ZFHX3: variants seen among roughly 807,000 people sequenced by gnomAD.
ZFHX3 encodes the protein zinc finger homeobox protein 3.
Under a neutral mutation model 279.1 loss-of-function variants are expected in ZFHX3, and 42 were observed. That is an observed-to-expected ratio of 0.15 (90% confidence interval 0.12 to 0.19). The LOEUF (loss-of-function observed/expected upper bound fraction) is 0.19. ZFHX3 is among the 10% of genes least tolerant of loss of function. The probability of loss-of-function intolerance (pLI) is 1.00; values close to 1 mark genes in which losing one functional copy is unlikely to be tolerated. For missense variants in ZFHX3, 4,981 were observed against 4,754.0 expected, an observed-to-expected ratio of 1.05 and a Z score of -1.40; for synonymous variants, 2,293 against 1,957.8, an observed-to-expected ratio of 1.17 and a Z score of -4.52.
intron 5 of ZFHX3, among the ~76,000 whole-genome samples, chr16:72,825,435 C>G (rs1402235900): frequency 1.3e-5 from 2 of 152,198 alleles, no homozygotes; most frequent in Non-Finnish European, 2.9e-5. Context: ...AGCTTGGGCT[C>G]TGTCCTAAGT....
chr16:73,317,306 T>C (rs555982649), intron 4 of ZFHX3, among the ~76,000 whole-genome samples: 135 of 151,992 alleles, frequency 8.9e-4, no homozygotes, highest in African/African-American at 3.1e-3. Context: ...GTGGTGGTGG[T>C]TATGGTATTG....
At position 72,796,502 on chromosome 16, in the gene ZFHX3, G is replaced by A. The variant is rs770896984; in HGVS notation, c.6180C>T (p.Ser2060=). The A allele has an allele frequency of 3.1e-6, 5 of 1,607,644 alleles. No homozygotes were observed. The highest frequency in any genetic ancestry group is 4.2e-6 in the Non-Finnish European group (5 of 1,179,396). ...PLPAAPPQPA[S]TPAIPASAPP... ...GGGCTGATGCGGGGATGGCTGGTGT[G>A]GACGCCGGCTGAGGCGGCGCTGCCG... Residue 2060 remains serine (S), a synonymous_variant, in exon 9 of 10, where the codon TCC becomes TCT. Transcript: ENST00000268489.
chr16:73,416,122 C>CAAAAAAAA (rs1234376040), intron 3 of ZFHX3, among the ~76,000 whole-genome samples: 3 of 74,802 alleles, frequency 4.0e-5, no homozygotes, highest in African/African-American at 1.1e-4. Flanking sequence ...GACTCCATCT[C>CAAAAAAAA]AAAAAAAAAA....
intron 1 of ZFHX3, among the ~76,000 whole-genome samples, chr16:73,850,387 T>C (rs1961564909): frequency 6.6e-6 from 1 of 152,190 alleles, no homozygotes; most frequent in Non-Finnish European, 1.5e-5. Context: ...AAGTTAGGCT[T>C]GCTGGATTTT....
chr16:73,121,254 A>G (rs906704292), intron 7 of ZFHX3, among the ~76,000 whole-genome samples: 1 of 152,238 alleles, frequency 6.6e-6, no homozygotes, highest in African/African-American at 2.4e-5. Flanking sequence ...TAAAATATGC[A>G]CTGGCTTTCA....
intron 5 of ZFHX3, among the ~76,000 whole-genome samples, chr16:73,175,428 G>C (rs151244251): frequency 1.4e-4 from 21 of 152,230 alleles, no homozygotes; most frequent in Non-Finnish European, 2.4e-4. Flanking sequence ...GCCCCTGCCT[G>C]CTTCTCCAAC....
At chr16:73,622,584 A>G (rs2052374283) in intron 2 of ZFHX3, among the ~76,000 whole-genome samples, 1 of 151,878 alleles carries the variant, frequency 6.6e-6, no homozygotes, top group African/African-American at 2.4e-5. Flanking sequence ...AAAGAAAGAA[A>G]GAAAGAATTT....
intron 4 of ZFHX3, among the ~76,000 whole-genome samples, chr16:73,313,701 T>C (rs12917927): frequency 0.78 from 118,373 of 152,182 alleles, 46,569 homozygotes; most frequent in African/African-American, 0.87. Context: ...GGCACAAACA[T>C]GTACACAGCC....
chr16:73,789,975 C>T (rs941728642), intron 1 of ZFHX3, among the ~76,000 whole-genome samples: 5 of 152,104 alleles, frequency 3.3e-5, no homozygotes, highest in South Asian at 2.1e-4. Context: ...ATTGCACTCT[C>T]GCCGCTGGAG....
At chr16:72,921,750 G>A (rs541060007) in intron 3 of ZFHX3, among the ~76,000 whole-genome samples, 7 of 152,350 alleles carry the variant, frequency 4.6e-5, no homozygotes, top group Middle Eastern at 3.4e-3. Flanking sequence ...GGCGCCCAGC[G>A]TGCTGCATGC....
intron 4 of ZFHX3, among the ~76,000 whole-genome samples, chr16:72,833,767 C>T (rs1367260562): frequency 6.6e-6 from 1 of 152,110 alleles, no homozygotes; most frequent in Admixed American, 6.5e-5. Context: ...TAGAAGACAC[C>T]AGAGAAGGTG....
At chr16:73,179,717 T>A (rs1967748524) in intron 5 of ZFHX3, among the ~76,000 whole-genome samples, 1 of 152,022 alleles carries the variant, frequency 6.6e-6, no homozygotes, top group Admixed American at 6.6e-5. Context: ...AATAACAGGG[T>A]CCTTTATACG....
rs542656549 is a variant in ZFHX3, at chr16:73,414,661, C to A, written c.-1291+41342G>T. ...GACCAGCCTGAGCAACATAGGGAGA[C>A]CCCCATCTCTACAAAAATTTAAAAT... On this transcript the variant is annotated intron_variant, in intron 3 of 17. Coordinates refer to the ZFHX3 transcript ENST00000641206. Among the ~76,000 whole-genome samples, 16 of 152,220 alleles carry A rather than the reference C, an allele frequency of 1.1e-4. No individual in the cohort carries two copies. In the South Asian group the frequency reaches 3.3e-3, roughly 32 times the overall value.
intron 2 of ZFHX3, among the ~76,000 whole-genome samples, chr16:73,648,779 G>A (rs908291235): frequency 1.3e-5 from 2 of 152,098 alleles, no homozygotes; most frequent in Non-Finnish European, 1.5e-5. Flanking sequence ...GATAGTCTAA[G>A]GTTTCCACAG....
intron 1 of ZFHX3, among the ~76,000 whole-genome samples, chr16:73,779,548 G>T (rs994829611): frequency 6.6e-6 from 1 of 152,076 alleles, no homozygotes; most frequent in Admixed American, 6.6e-5. Context: ...CCATGGGCAA[G>T]GTGAAACATT....
intron 4 of ZFHX3, among the ~76,000 whole-genome samples, chr16:73,290,833 G>C (rs993277102): frequency 1.1e-4 from 17 of 152,190 alleles, no homozygotes; most frequent in African/African-American, 3.9e-4. Context: ...GTTGGGAGTA[G>C]AATTAAGGAA....
At chr16:73,859,155 G>A (rs960184010) in intron 1 of ZFHX3, among the ~76,000 whole-genome samples, 3 of 152,118 alleles carry the variant, frequency 2.0e-5, no homozygotes, top group African/African-American at 7.2e-5. Flanking sequence ...AAATTTGCAG[G>A]TCCCAGTTGA....
At chr16:73,802,069 A>G (rs1333278073) in intron 1 of ZFHX3, among the ~76,000 whole-genome samples, 1 of 152,202 alleles carries the variant, frequency 6.6e-6, no homozygotes, top group Non-Finnish European at 1.5e-5. Context: ...AAGGTAACAA[A>G]TGCATCAGTG....
intron 1 of ZFHX3, among the ~76,000 whole-genome samples, chr16:73,842,611 T>C (rs1292689721): frequency 6.6e-6 from 1 of 152,140 alleles, no homozygotes; most frequent in Non-Finnish European, 1.5e-5. Flanking sequence ...TGCATGTGCG[T>C]GTGTATATGC....
Sources: allele counts gnomAD v4.1 joint callset (sites outside exome capture counted in the v4.1 genomes callset), GRCh38; gene constraint gnomAD v4.1.1; transcripts MANE v1.5; gene names NCBI Gene and HGNC (gene_info 2026-07-23, HGNC 2026-07-21).